The following RAF1 variants were observed in gnomAD, a reference collection of about 807,000 sequenced individuals.
The protein encoded by RAF1 is Raf-1 proto-oncogene, serine/threonine kinase.
In RAF1, 27 loss-of-function variants were observed where a neutral mutation model predicts 81.1. The observed-to-expected ratio is 0.33, with a 90% CI of 0.25 to 0.46. The LOEUF is 0.46. Among genes scored for constraint, RAF1 ranks in the 20% least tolerant of loss-of-function variants. The pLI is 1.00. For missense variants in RAF1, 598 were observed against 826.0 expected (o/e 0.72, Z 3.38); for synonymous variants, 298 against 294.0 (o/e 1.01, Z -0.14).
chr3:12,617,601 T>C (rs2059409829), intron 2 of RAF1, among the ~76,000 whole-genome samples: 1 of 152,044 alleles, frequency 6.6e-6, no homozygotes, highest in South Asian at 2.1e-4. Flanking sequence ...AGTTTTGTTA[T>C]CAGGCTGGGC....
At chr3:12,610,548 T>TG (rs924498699) in intron 3 of RAF1, among the ~76,000 whole-genome samples, 3 of 152,158 alleles carry the variant, frequency 2.0e-5, no homozygotes, top group African/African-American at 7.2e-5. Context: ...AGGAACACTA[T>TG]GGATTGGCTT....
Position 12,608,821 on chromosome 3 carries a change from A to T in RAF1, c.526T>A (p.Cys176Ser). ...CACATAGTAGGTACTTTGGTGCTAC[A>T]GTGCTCATGAAATTTGTAGCCACAA... Residue 176 changes from cysteine to serine, a missense_variant, in exon 5 of 18, where the codon TGT becomes AGT. Physicochemically the swap from Cys to Ser is moderately radical, Grantham distance 112. Coordinates refer to ENST00000442415, the MANE Select transcript of RAF1 (RefSeq NM_001354689.3). 1 of 1,614,198 alleles carries T rather than the reference A, an allele frequency of 6.2e-7. No individual in the cohort carries two copies. The highest frequency in any genetic ancestry group is 8.5e-7 in the Non-Finnish European group (1 of 1,180,000).
chr3:12,587,594 T>C lies in RAF1; in HGVS notation c.1474A>G (p.Asn492Asp). The C allele has an allele frequency of 1.2e-6, 2 of 1,608,508 alleles. No homozygotes were observed. The highest frequency in any genetic ancestry group is 1.7e-6 in the Non-Finnish European group (2 of 1,174,830). The change falls in exon 14 of 18, where the codon AAC becomes GAC. Residue 492 changes from asparagine (N) to aspartate (D), a missense_variant. Physicochemically the swap from Asn to Asp is conservative, Grantham distance 23. This residue lies in a region of RAF1 where 85 missense variants were observed against 185.6 expected (regional missense o/e 0.46). Transcript: ENST00000442415. ...GAACTCAACAACCAAAGGATACTGT[T>C]GGATTTCATGTCTCTATGGATGATG...
chr3:12,583,811 C>T lies in RAF1; in HGVS notation c.*703G>A, dbSNP rs2125312724. On this transcript the variant is annotated 3_prime_UTR_variant, in exon 18 of 18. Transcript: ENST00000442415. ...AGAGAAACAAGGCTGGCCCTGCGGC[C>T]CCGCCCCATAGGGGCAGCTCCTGGA... 1 of 233,738 alleles carries T rather than the reference C, an allele frequency of 4.3e-6. No homozygotes were observed. The highest frequency in any genetic ancestry group is 6.0e-5 in the East Asian group (1 of 16,588). The allele number at this position is 233,738 out of a possible 1,614,324, so 14.5% of individuals were successfully genotyped here. A position where few individuals can be genotyped will look rare whatever the true frequency, so the allele number is the denominator to read the frequency against.
chr3:12,643,274 G>A (rs1017390417), intron 1 of RAF1, among the ~76,000 whole-genome samples: 3 of 152,054 alleles, frequency 2.0e-5, no homozygotes, highest in Non-Finnish European at 2.9e-5. Flanking sequence ...GCAGAGTTCT[G>A]AGCACTAATC....
chr3:12,625,740 T>A (rs2059683169), intron 1 of RAF1, among the ~76,000 whole-genome samples: 1 of 152,142 alleles, frequency 6.6e-6, no homozygotes, highest in Non-Finnish European at 1.5e-5. Flanking sequence ...CAGGATTTCC[T>A]GAGGCCAGGA....
chr3:12,653,025 T>C (rs2125570148), intron 1 of RAF1, among the ~76,000 whole-genome samples: 1 of 152,176 alleles, frequency 6.6e-6, no homozygotes, highest in South Asian at 2.1e-4. Flanking sequence ...CTCATGCCTA[T>C]AAGCCCAGCA....
chr3:12,597,150 G>A (rs750408034), intron 11 of RAF1, among the ~76,000 whole-genome samples: 30 of 151,948 alleles, frequency 2.0e-4, no homozygotes, highest in Non-Finnish European at 3.1e-4. Context: ...CACCCACCTC[G>A]GCCTCCCAAA....
At chr3:12,633,099 T>C (rs529460954) in intron 1 of RAF1, among the ~76,000 whole-genome samples, 2 of 152,272 alleles carry the variant, frequency 1.3e-5, no homozygotes, top group East Asian at 3.9e-4. Context: ...AAGATTCCAA[T>C]TTGTTTTTAA....
intron 11 of RAF1, among the ~76,000 whole-genome samples, chr3:12,593,707 G>A (rs1422811872): frequency 6.6e-6 from 1 of 151,882 alleles, no homozygotes; most frequent in Non-Finnish European, 1.5e-5. Context: ...ATTTGCATAA[G>A]TGTCCATTCT....
rs59472802 is a variant in RAF1 at position 12,598,725 on chromosome 3, C to CAAAAA, written c.1168+961_1168+965dup. Among the ~76,000 whole-genome samples, 18 of 61,992 alleles carry CAAAAA rather than the reference C, an allele frequency of 2.9e-4. 1 individual carries two copies. The highest frequency in any genetic ancestry group is 6.4e-4 in the African/African-American group (12 of 18,742). 40.7% of individuals were successfully genotyped at this position (61,992 alleles called of 152,430 possible). ...TGGGCAACAGAGCAAGAATCTATCT[C>CAAAAA]AAAAAAAAAAAAAAAAAAAAAAAAA... On this transcript the variant is annotated intron_variant, in intron 11 of 17. Coordinates refer to ENST00000442415, the MANE Select transcript of RAF1 (RefSeq NM_001354689.3).
At chr3:12,617,486 C>G (rs889283100) in intron 2 of RAF1, among the ~76,000 whole-genome samples, 3 of 152,128 alleles carry the variant, frequency 2.0e-5, no homozygotes, top group African/African-American at 7.2e-5. Context: ...CTCCTGAGCT[C>G]AAGCAATCTG....
intron 1 of RAF1, among the ~76,000 whole-genome samples, chr3:12,647,342 T>C (rs539732857): frequency 2.7e-5 from 4 of 150,048 alleles, no homozygotes; most frequent in Non-Finnish European, 4.4e-5. Flanking sequence ...GGCTCACCCC[T>C]GTAATCTCAG....
In RAF1 at chr3:12,660,433, G is replaced by A. The variant is rs142660972; in HGVS notation, c.-27+3380C>T. ...TCACCTCAGCCTCCCAAGCAGCTGG[G>A]ACTACAGGCATACTACACCATACCC... is the stretch of plus-strand genomic sequence containing the variant. On this transcript the variant is annotated intron_variant, in intron 1 of 17. Coordinates refer to ENST00000442415, the MANE Select transcript of RAF1 (RefSeq NM_001354689.3). Among the ~76,000 whole-genome samples, 62 of 151,976 alleles carry A rather than the reference G, an allele frequency of 4.1e-4. 1 individual carries two copies. The highest frequency in any genetic ancestry group is 1.5e-3 in the African/African-American group (62 of 41,486).
At position 12,634,373 on chromosome 3, in the gene RAF1, A is replaced by C. The variant is rs563308643; in HGVS notation, c.-26-15626T>G. 3.2e-3 allele frequency among the ~76,000 whole-genome samples: 487 copies of C among 150,348 alleles called. 3 individuals are homozygous for C. The highest frequency in any genetic ancestry group is 0.011 in the African/African-American group (456 of 40,874). ...GCCATGTTGGCCAGGCTGGTCTCAA[A>C]CTCCTGATCTCAGGTGATCCACCCG... On this transcript the variant is annotated intron_variant, in intron 1 of 17. Coordinates refer to ENST00000442415, the MANE Select transcript of RAF1 (RefSeq NM_001354689.3).
chr3:12,622,666 T>C (rs1416025374), intron 1 of RAF1, among the ~76,000 whole-genome samples: 1 of 152,114 alleles, frequency 6.6e-6, no homozygotes, highest in Non-Finnish European at 1.5e-5. Flanking sequence ...TTTTAGTCAG[T>C]CCCCCTACCT....
At chr3:12,638,679 C>T (rs1238889794) in intron 1 of RAF1, among the ~76,000 whole-genome samples, 5 of 152,110 alleles carry the variant, frequency 3.3e-5, no homozygotes, top group Non-Finnish European at 7.4e-5. Flanking sequence ...CTCACACATC[C>T]GATTTGTCTT....
intron 1 of RAF1, among the ~76,000 whole-genome samples, chr3:12,657,818 T>C (rs999237164): frequency 2.6e-5 from 4 of 151,284 alleles, no homozygotes; most frequent in Non-Finnish European, 5.9e-5. Flanking sequence ...TTCACAGTTG[T>C]GGATCCATCT....
intron 1 of RAF1, among the ~76,000 whole-genome samples, chr3:12,632,872 A>G (rs2059904676): frequency 6.6e-6 from 1 of 152,224 alleles, no homozygotes; most frequent in Non-Finnish European, 1.5e-5. Context: ...TCCCAGGCTT[A>G]TATTCCTGGA....
Sources: allele counts gnomAD v4.1 joint callset (sites outside exome capture counted in the v4.1 genomes callset), GRCh38; gene constraint gnomAD v4.1.1; regional missense constraint gnomAD v4.1.1; transcripts MANE v1.5; gene names NCBI Gene and HGNC (gene_info 2026-07-23, HGNC 2026-07-21).